NRG1: variants seen among roughly 807,000 people sequenced by gnomAD.
The protein encoded by NRG1 is neuregulin 1.
A neutral mutation model predicts 63.8 loss-of-function variants in NRG1; 18 were observed. That is an observed-to-expected ratio of 0.28 (90% confidence interval 0.19 to 0.42). NRG1 has a LOEUF of 0.42. Ranked by LOEUF, NRG1 falls within the 10% of genes least tolerant of loss-of-function variation. The pLI is 1.00. For synonymous variants in NRG1, 302 were observed against 301.3 expected, an observed-to-expected ratio of 1.00 and a Z score of -0.02; for missense variants, 762 against 814.7, an observed-to-expected ratio of 0.94 and a Z score of 0.79.
intron 1 of NRG1, among the ~76,000 whole-genome samples, chr8:32,526,687 C>T (rs1228454104): frequency 1.3e-5 from 2 of 152,210 alleles, no homozygotes; most frequent in Non-Finnish European, 2.9e-5. Context: ...CTCCATCTTG[C>T]ACAATCCAGT....
chr8:31,812,280 G>C (rs1484701696), intron 1 of NRG1, among the ~76,000 whole-genome samples: 1 of 152,148 alleles, frequency 6.6e-6, no homozygotes, highest in Admixed American at 6.5e-5. Flanking sequence ...CCCTTGGAGG[G>C]CTTCTTAAAA....
At chr8:32,314,286 CTA>C (rs1202078890) in intron 1 of NRG1, among the ~76,000 whole-genome samples, 4 of 152,196 alleles carry the variant, frequency 2.6e-5, no homozygotes, top group African/African-American at 9.7e-5. Context: ...TACACCCCAG[CTA>C]TGCTTACAAA....
chr8:32,119,308 G>A (rs1038032407), intron 1 of NRG1, among the ~76,000 whole-genome samples: 2 of 152,008 alleles, frequency 1.3e-5, no homozygotes, highest in East Asian at 1.9e-4. Context: ...CTAAAGTCAC[G>A]TAGCGACTAT....
chr8:32,493,817 T>C (rs17645417), intron 1 of NRG1, among the ~76,000 whole-genome samples: 69,279 of 151,924 alleles, frequency 0.46, 16,521 homozygotes, highest in Non-Finnish European at 0.52. Context: ...GTTGGAGGAT[T>C]TGAGGTTTGG....
chr8:31,922,545 T>G (rs922559674), intron 1 of NRG1, among the ~76,000 whole-genome samples: 3 of 152,202 alleles, frequency 2.0e-5, no homozygotes, highest in Non-Finnish European at 4.4e-5. Flanking sequence ...TTGTCCTTGT[T>G]AGAATAAAAA....
chr8:31,974,748 G>A (rs951728585), intron 1 of NRG1, among the ~76,000 whole-genome samples: 7 of 152,108 alleles, frequency 4.6e-5, no homozygotes, highest in African/African-American at 1.4e-4. Flanking sequence ...ACAAAATAGC[G>A]AAGAATGAAC....
At chr8:32,294,754 T>C (rs1038111848) in intron 1 of NRG1, among the ~76,000 whole-genome samples, 1 of 151,842 alleles carries the variant, frequency 6.6e-6, no homozygotes, top group Non-Finnish European at 1.5e-5. Context: ...ACGAATGGTT[T>C]CTATTTCTTT....
At chr8:31,864,351 T>G (rs1828755027) in intron 1 of NRG1, among the ~76,000 whole-genome samples, 1 of 152,072 alleles carries the variant, frequency 6.6e-6, no homozygotes, top group African/African-American at 2.4e-5. Context: ...CACAAGACAT[T>G]TATACTCACC....
At chr8:32,185,695 T>A (rs912118444) in intron 1 of NRG1, among the ~76,000 whole-genome samples, 1 of 152,216 alleles carries the variant, frequency 6.6e-6, no homozygotes, top group Non-Finnish European at 1.5e-5. Flanking sequence ...TTCATTCAAC[T>A]TTTGTTCATC....
At chr8:32,629,282 T>A (rs1000700805) in intron 5 of NRG1, among the ~76,000 whole-genome samples, 6 of 152,220 alleles carry the variant, frequency 3.9e-5, no homozygotes, top group African/African-American at 1.4e-4. Flanking sequence ...GGTGGTCCCA[T>A]AGCTCTTGCT....
At chr8:31,996,850 TA>T (rs1034121479) in intron 1 of NRG1, among the ~76,000 whole-genome samples, 1 of 151,938 alleles carries the variant, frequency 6.6e-6, no homozygotes, top group African/African-American at 2.4e-5. Context: ...TGGACAATTG[TA>T]AAAAGGACCT....
chr8:32,768,573 A>C (rs1002429284), downstream of NRG1, among the ~76,000 whole-genome samples: 1 of 152,146 alleles, frequency 6.6e-6, no homozygotes, highest in African/African-American at 2.4e-5. Flanking sequence ...TGTCTATCTA[A>C]CTGCTCAGGG....
intron 1 of NRG1, among the ~76,000 whole-genome samples, chr8:32,024,653 A>G (rs536052625): frequency 2.6e-5 from 4 of 152,354 alleles, no homozygotes; most frequent in African/African-American, 9.6e-5. Context: ...GGGAGCCAGA[A>G]AGCTGGAATC....
At chr8:32,716,066 G>A (rs570870817) in intron 5 of NRG1, among the ~76,000 whole-genome samples, 3 of 152,250 alleles carry the variant, frequency 2.0e-5, no homozygotes, top group African/African-American at 7.2e-5. Flanking sequence ...TGTCATCTGT[G>A]AACTCTTCCC....
At chr8:32,050,157 A>G (rs1821745551) in intron 1 of NRG1, among the ~76,000 whole-genome samples, 3 of 152,330 alleles carry the variant, frequency 2.0e-5, no homozygotes, top group African/African-American at 2.4e-5. Context: ...AAAGTGCTTC[A>G]TAATGGCAGG....
rs528233323 is a variant in NRG1 at position 31,923,706 on chromosome 8, G to A, written c.37+284275G>A. Among the ~76,000 whole-genome samples the A allele has an allele frequency of 4.0e-5, 6 of 151,516 alleles. No individual in the cohort carries two copies. In the East Asian group the frequency reaches 1.2e-3, roughly 29 times the overall value. ...TACAGTTTTTCTTTTTTTTTAATGT[G>A]TTGTTATTATTTTTTGTATATGTCC... On this transcript the variant is annotated intron_variant, in intron 1 of 10. Coordinates refer to the NRG1 transcript ENST00000519301.
intron 1 of NRG1, among the ~76,000 whole-genome samples, chr8:31,758,794 G>A (rs1817239582): frequency 6.6e-6 from 1 of 152,124 alleles, no homozygotes; most frequent in Non-Finnish European, 1.5e-5. Context: ...TTAGAAATGG[G>A]ACGGCTAGAG....
chr8:32,189,720 T>A (rs1219234902), intron 1 of NRG1, among the ~76,000 whole-genome samples: 1 of 152,162 alleles, frequency 6.6e-6, no homozygotes, highest in African/African-American at 2.4e-5. Flanking sequence ...CCCCATATCG[T>A]TAAGGCTTAC....
chr8:32,153,775 G>T (rs1431691860), intron 1 of NRG1, among the ~76,000 whole-genome samples: 2 of 152,194 alleles, frequency 1.3e-5, no homozygotes, highest in Non-Finnish European at 2.9e-5. Context: ...TAGGGATGAA[G>T]TGATAGTATT....
Sources: gnomAD v4.1 joint callset for allele counts (sites outside exome capture counted in the v4.1 genomes callset) on GRCh38, gnomAD v4.1.1 for gene constraint, MANE v1.5 for transcripts, NCBI Gene and HGNC (gene_info 2026-07-23, HGNC 2026-07-21) for gene names.